MAP1S: variants seen among roughly 807,000 people sequenced by gnomAD.
The protein encoded by MAP1S is microtubule associated protein 1S.
Under a neutral mutation model 60.9 loss-of-function variants are expected in MAP1S, and 27 were observed. The ratio of observed to expected loss-of-function variants is 0.44; its 90% CI spans 0.33 to 0.61. MAP1S has a LOEUF of 0.61. Among genes scored for constraint, MAP1S ranks in the 20% least tolerant of loss-of-function variants. MAP1S has a pLI of 0.03. For synonymous variants in MAP1S, 826 were observed against 694.2 expected, an observed-to-expected ratio of 1.19 and a Z score of -2.98; for missense variants, 1,608 against 1,486.6, an observed-to-expected ratio of 1.08 and a Z score of -1.34.
intron 5 of MAP1S, among the ~76,000 whole-genome samples, chr19:17,729,472 C>CT (rs1186805203): frequency 1.3e-5 from 2 of 152,144 alleles, no homozygotes; most frequent in African/African-American, 4.8e-5. Flanking sequence ...TTAAGCAGGC[C>CT]TTGCTGAGAG....
intron 5 of MAP1S, among the ~76,000 whole-genome samples, chr19:17,730,545 G>C (rs575582385): frequency 6.6e-6 from 1 of 152,028 alleles, no homozygotes; most frequent in Non-Finnish European, 1.5e-5. Flanking sequence ...TGAACTCCCA[G>C]CCTCAAGCGA....
rs758883254 is a variant in MAP1S, at chr19:17,727,836, G to A, written c.2452G>A (p.Val818Ile). 15 of 1,613,564 alleles carry A rather than the reference G, an allele frequency of 9.3e-6. No homozygotes were observed. Among genetic ancestry groups the A allele is most frequent in the Non-Finnish European group, 1.2e-5 (14 of 1,179,912 alleles). The change falls in exon 5 of 7, where the codon GTC becomes ATC. Residue 818 changes from valine (V) to isoleucine (I), a missense_variant. Val to Ile is a conservative substitution (Grantham distance 29, BLOSUM62 3). Coordinates refer to ENST00000324096, the MANE Select transcript of MAP1S (RefSeq NM_018174.6). The surrounding 1 kb of genome is among the most constrained non-coding windows in gnomAD (Gnocchi z 4.1). ...DSDEDTEGFG[V>I]PRHDPLPDPL... ...AGACGAAGACACAGAGGGCTTTGGAGTCCCTCGCCACGACCCTTTGCCTGA... is the reference window on the plus strand; with the variant it reads ...AGACGAAGACACAGAGGGCTTTGGAATCCCTCGCCACGACCCTTTGCCTGA...
In MAP1S at chr19:17,725,325, A is replaced by G. The variant is rs948490350; in HGVS notation, c.444+136A>G. 6.7e-5 allele frequency: 71 copies of G among 1,062,418 alleles called. No individual in the cohort carries two copies. The highest frequency in any genetic ancestry group is 8.9e-5 in the Non-Finnish European group (67 of 748,992). 65.8% of individuals were successfully genotyped at this position (1,062,418 alleles called of 1,614,324 possible). A position where few individuals can be genotyped will look rare whatever the true frequency, so the allele number is the denominator to read the frequency against. On this transcript the variant is annotated intron_variant, in intron 4 of 6. Transcript: ENST00000324096. The surrounding 1 kb of genome is among the most constrained non-coding windows in gnomAD (Gnocchi z 4.2). ...TCCTCTGTAGGATGGCAGTGGTGAC[A>G]CATGCCTCCTGGCTGTCTGGGGTCA...
chr19:17,733,634 T>A (rs1360634979), intron 6 of MAP1S, among the ~76,000 whole-genome samples: 3 of 152,172 alleles, frequency 2.0e-5, no homozygotes, highest in African/African-American at 4.8e-5. Flanking sequence ...GCTGGAAGCC[T>A]GGGGGAGGAC....
At position 17,725,709 on chromosome 19, in the gene MAP1S, C is replaced by A. The variant is rs996229588; in HGVS notation, c.445-120C>A. The stretch of plus-strand genomic sequence containing the variant: ...GGCGCTGGAGAGGGTTGGGTTTTGG[C>A]GGGAGGGCCCTGAGGAGCAGGCCCT... On this transcript the variant is annotated intron_variant, in intron 4 of 6. Coordinates refer to ENST00000324096, the MANE Select transcript of MAP1S (RefSeq NM_018174.6). This position sits in a 1 kb window ranked among gnomAD's most constrained non-coding sequence, Gnocchi z 4.2. The A allele has an allele frequency of 2.1e-5, 21 of 995,438 alleles. No homozygotes were observed. The highest frequency in any genetic ancestry group is 2.9e-5 in the Non-Finnish European group (20 of 691,316). 61.7% of individuals were successfully genotyped at this position (995,438 alleles called of 1,614,324 possible).
At position 17,727,863 on chromosome 19, in the gene MAP1S, C is replaced by A; in HGVS notation, c.2479C>A (p.Pro827Thr). ...GVPRHDPLPD[P>T]LKVPPPLPDP... is the part of the protein sequence containing the mutation. ...CCCTCGCCACGACCCTTTGCCTGAC[C>A]CCCTCAAGGTCCCCCCACCACTGCC... is the stretch of plus-strand genomic sequence containing the variant. Residue 827 changes from proline (P) to threonine (T), a missense_variant, in exon 5 of 7, where the codon CCC (proline) becomes ACC (threonine). By Grantham distance (38) the Pro-to-Thr change is conservative. This residue lies in a region of MAP1S where 1,167 missense variants were observed against 961.4 expected (regional missense o/e 1.21). Transcript: ENST00000324096. The surrounding 1 kb of genome is among the most constrained non-coding windows in gnomAD (Gnocchi z 4.1). 6.2e-7 allele frequency: 1 copy of A among 1,613,180 alleles called. No homozygotes were observed. The highest frequency in any genetic ancestry group is 8.5e-7 in the Non-Finnish European group (1 of 1,179,690).
rs1238172284 is a variant in MAP1S, at chr19:17,727,822, CAG to C, written c.2441_2442del (p.Glu814GlyfsTer12). On this transcript the variant is annotated frameshift_variant, in exon 5 of 7. Transcript: ENST00000324096. LOFTEE classifies it high-confidence loss of function. This position sits in a 1 kb window ranked among gnomAD's most constrained non-coding sequence, Gnocchi z 4.1. Reference sequence around the variant, plus strand: ...GGTGCGGCAGACTCAGACGAAGACACAGAGGGCTTTGGAGTCCCTCGCCACGA... The same window carrying C: ...GGTGCGGCAGACTCAGACGAAGACACAGGGCTTTGGAGTCCCTCGCCACGA... 1.9e-6 allele frequency: 3 copies of C among 1,613,290 alleles called. No individual in the cohort carries two copies. The highest frequency in any genetic ancestry group is 2.5e-6 in the Non-Finnish European group (3 of 1,179,848).
Position 17,725,171 on chromosome 19 carries a change from G to C in MAP1S, c.426G>C (p.Gln142His), listed in dbSNP as rs1351908181. The C allele has an allele frequency of 2.5e-6, 4 of 1,613,342 alleles. No individual in the cohort carries two copies. The highest frequency in any genetic ancestry group is 1.7e-6 in the Non-Finnish European group (2 of 1,179,650). ...GCTTCTCGCCTCACCACTTCCTCCA[G>C]GTCCTGAAGGACAGAGAGGTAAGCC... ...TGGFSPHHFL[Q>H]VLKDREIRDI... is the part of the protein sequence containing the mutation. Residue 142 changes from glutamine to histidine, a missense_variant, in exon 4 of 7, where the codon CAG becomes CAC. Physicochemically the swap from Gln to His is conservative, Grantham distance 24 (BLOSUM62 0). Coordinates refer to ENST00000324096, the MANE Select transcript of MAP1S (RefSeq NM_018174.6). This position sits in a 1 kb window ranked among gnomAD's most constrained non-coding sequence, Gnocchi z 4.2.
rs1372937187 is a variant in MAP1S at position 17,734,332 on chromosome 19, C to A, written c.3084C>A (p.His1028Gln). ...TGCATACGTGGTACGCAGAGACGCA[C>A]GCCCGGCACCAGGCGCTGGGCATCA... ...VAMHTWYAETHARHQALGITV... is the reference protein window; with the variant it reads ...VAMHTWYAETQARHQALGITV... Residue 1028 changes from histidine (H) to glutamine (Q), a missense_variant, in exon 7 of 7, where the codon CAC becomes CAA. By Grantham distance (24) the His-to-Gln change is conservative. Coordinates refer to ENST00000324096, the MANE Select transcript of MAP1S (RefSeq NM_018174.6). The A allele has an allele frequency of 2.5e-6, 4 of 1,613,910 alleles. No homozygotes were observed. The highest frequency in any genetic ancestry group is 3.4e-6 in the Non-Finnish European group (4 of 1,179,964).
intron 2 of MAP1S, among the ~76,000 whole-genome samples, chr19:17,722,820 G>GAGAA (rs2080383343): frequency 6.6e-6 from 1 of 151,716 alleles, no homozygotes; most frequent in Non-Finnish European, 1.5e-5. Flanking sequence ...AGAAAGGAAA[G>GAGAA]AGAAAGCTAA....
chr19:17,726,854 C>G lies in MAP1S; in HGVS notation c.1470C>G (p.Thr490=), dbSNP rs2080432154. ...CGAAGAGAGAGGGCCTCCTGGCCAC[C>G]CACCCTAGACCTGGCCAGGAGCGCC... The part of the protein sequence containing the change: ...DSSKREGLLA[T]HPRPGQERPG... Residue 490 remains threonine, a synonymous_variant, in exon 5 of 7, where the codon ACC becomes ACG. Coordinates refer to ENST00000324096, the MANE Select transcript of MAP1S (RefSeq NM_018174.6). 1 of 1,553,596 alleles carries G rather than the reference C, an allele frequency of 6.4e-7. No homozygotes were observed. Among genetic ancestry groups the G allele is most frequent in the Non-Finnish European group, 8.7e-7 (1 of 1,149,270 alleles).
rs1238439348 is a variant in MAP1S, at chr19:17,726,810, G to A, written c.1426G>A (p.Val476Met). Reference sequence around the variant, plus strand: ...GGGGCGAGCCGAGAGCAAAGAGAGCGTGGGCTCCCGGGACAGCTCGAAGAG... The same window carrying A: ...GGGGCGAGCCGAGAGCAAAGAGAGCATGGGCTCCCGGGACAGCTCGAAGAG... The part of the protein sequence containing the change: ...GPGRAESKES[V>M]GSRDSSKREG... Residue 476 changes from valine to methionine, a missense_variant, in exon 5 of 7, where the codon GTG becomes ATG. Val to Met is a conservative substitution (Grantham distance 21). Transcript: ENST00000324096. 1.3e-6 allele frequency: 2 copies of A among 1,557,432 alleles called. No individual in the cohort carries two copies. The highest frequency in any genetic ancestry group is 1.7e-6 in the Non-Finnish European group (2 of 1,151,620).
chr19:17,729,255 G>A (rs1160776900), intron 5 of MAP1S, among the ~76,000 whole-genome samples: 1 of 152,126 alleles, frequency 6.6e-6, no homozygotes, highest in Non-Finnish European at 1.5e-5. Context: ...GTCCCTCATG[G>A]AAGCTCATTA....
At chr19:17,728,259 G>GTT in intron 5 of MAP1S, 87 bp downstream of exon 5, 1 of 1,397,226 alleles carries the variant, frequency 7.2e-7, no homozygotes, top group South Asian at 1.5e-5. Context: ...TACATTTTCA[G>GTT]TTTTTTTAAA....
intron 2 of MAP1S, among the ~76,000 whole-genome samples, chr19:17,722,360 G>T (rs1217206859): frequency 2.0e-5 from 3 of 152,264 alleles, no homozygotes; most frequent in Non-Finnish European, 4.4e-5. Context: ...CCCGAGGAGG[G>T]AGGATCGCTT....
In MAP1S at chr19:17,719,517, T is replaced by C. The variant is rs1599449600; in HGVS notation, c.15T>C (p.Ala5=). 2.2e-5 allele frequency: 27 copies of C among 1,245,102 alleles called. No homozygotes were observed. The highest frequency in any genetic ancestry group is 2.6e-4 in the Middle Eastern group (1 of 3,822). 77.1% of individuals were successfully genotyped at this position (1,245,102 alleles called of 1,614,324 possible). Residue 5 remains alanine (A), a synonymous_variant, in exon 1 of 7, where the codon GCT becomes GCC. Coordinates refer to ENST00000324096, the MANE Select transcript of MAP1S (RefSeq NM_018174.6). MAAV[A]GSGAAAAPSS... ...GCGGCCCGAAGATGGCGGCGGTGGC[T>C]GGATCTGGGGCTGCCGCGGCTCCGA...
chr19:17,734,240 C>T, intron 6 of MAP1S, 33 bp from the exon 7 acceptor site: 1 of 1,589,456 alleles, frequency 6.3e-7, no homozygotes, highest in Non-Finnish European at 8.6e-7. Context: ...ACTGGTGGTC[C>T]ACTCTCCCCA....
Position 17,727,290 on chromosome 19 carries a change from C to G in MAP1S, c.1906C>G (p.Pro636Ala). 6.3e-7 allele frequency: 1 copy of G among 1,588,576 alleles called. No individual in the cohort carries two copies. Among genetic ancestry groups the G allele is most frequent in the South Asian group, 1.1e-5 (1 of 89,306 alleles). ...LPLAASSIPR[P>A]RTPSPESHRS... Reference sequence around the variant, plus strand: ...TTTGGCCGCCAGCTCAATCCCAAGGCCACGCACACCCTCCCCTGAGTCCCA... The same window carrying G: ...TTTGGCCGCCAGCTCAATCCCAAGGGCACGCACACCCTCCCCTGAGTCCCA... The change falls in exon 5 of 7, where the codon CCA becomes GCA. Residue 636 changes from proline (P) to alanine (A), a missense_variant. Pro to Ala is a conservative substitution (Grantham distance 27). Coordinates refer to ENST00000324096, the MANE Select transcript of MAP1S (RefSeq NM_018174.6). The surrounding 1 kb of genome is among the most constrained non-coding windows in gnomAD (Gnocchi z 4.1).
chr19:17,732,986 T>C (rs6512220), intron 5 of MAP1S: 256,976 of 538,020 alleles, frequency 0.48, 66,521 homozygotes, highest in African/African-American at 0.64. Flanking sequence ...CAGGAGTTTG[T>C]GACGAGCCTG....
Sources: gnomAD v4.1 joint callset for allele counts (sites outside exome capture counted in the v4.1 genomes callset) on GRCh38, gnomAD v4.1.1 for gene constraint, gnomAD v4.1.1 regional missense constraint, Gnocchi (gnomAD v3.1) non-coding constraint, MANE v1.5 for transcripts, NCBI Gene and HGNC (gene_info 2026-07-23, HGNC 2026-07-21) for gene names.